DBT: variants seen among roughly 807,000 people sequenced by gnomAD.
DBT encodes lipoamide acyltransferase component of branched-chain alpha-keto acid dehydrogenase complex, mitochondrial.
A neutral mutation model predicts 51.3 loss-of-function variants in DBT; 40 were observed. The ratio of observed to expected loss-of-function variants is 0.78; its 90% CI spans 0.61 to 1.02. DBT has a LOEUF of 1.02. Ranked by LOEUF, DBT falls within the 50% of genes least tolerant of loss-of-function variation. The pLI is 0.00. For synonymous variants in DBT, 181 were observed against 190.4 expected (o/e 0.95, Z 0.41); for missense variants, 510 against 580.2 (o/e 0.88, Z 1.24).
chr1:100,239,702 T>A (rs1229131190), intron 2 of DBT, among the ~76,000 whole-genome samples: 1 of 151,824 alleles, frequency 6.6e-6, no homozygotes, highest in Non-Finnish European at 1.5e-5. Flanking sequence ...AACATCCTGA[T>A]AAATAAATAA....
intron 4 of DBT, among the ~76,000 whole-genome samples, chr1:100,226,486 T>A (rs1473220491): frequency 6.6e-6 from 1 of 152,002 alleles, no homozygotes; most frequent in Non-Finnish European, 1.5e-5. Flanking sequence ...GGTCTCGTTA[T>A]GTTGCCCAGG....
In DBT at chr1:100,191,749, T is replaced by TACACACACACAC. The variant is rs1161001732; in HGVS notation, c.*4494_*4505dup. ...GTGTGTATATATATGTGTGTGTGTA[T>TACACACACACAC]ACACACACACACACACACACACACA... is the stretch of plus-strand genomic sequence containing the variant. On this transcript the variant is annotated 3_prime_UTR_variant, in exon 11 of 11. Coordinates refer to ENST00000370132, the MANE Select transcript of DBT (RefSeq NM_001918.5). 10 of 48,948 alleles carry TACACACACACAC rather than the reference T, an allele frequency of 2.0e-4. No individual in the cohort carries two copies. Among genetic ancestry groups the TACACACACACAC allele is most frequent in the African/African-American group, 3.6e-4 (9 of 24,912 alleles). The allele number at this position is 48,948 out of a possible 1,614,324, so 3.0% of individuals were successfully genotyped here. A position where few individuals can be genotyped will look rare whatever the true frequency, so the allele number is the denominator to read the frequency against.
intron 5 of DBT, among the ~76,000 whole-genome samples, chr1:100,218,152 C>G (rs2100803337): frequency 6.6e-6 from 1 of 152,346 alleles, no homozygotes; most frequent in East Asian, 1.9e-4. Context: ...ACCCTCAGAT[C>G]AGGCCAGAGT....
intron 10 of DBT, 83 bp from the exon 11 acceptor site, chr1:100,196,505 A>G (rs1391208469): frequency 4.0e-6 from 6 of 1,501,722 alleles, no homozygotes; most frequent in East Asian, 4.9e-5. Context: ...AGCTCTAACA[A>G]TGGTGTAAGA....
chr1:100,208,282 A>G (rs1312957346), intron 8 of DBT, among the ~76,000 whole-genome samples: 2 of 152,244 alleles, frequency 1.3e-5, no homozygotes, highest in Non-Finnish European at 2.9e-5. Flanking sequence ...CCTGTCCTCA[A>G]GATATCTCCT....
At chr1:100,239,851 CAAAAAAAAAAA>C (rs56661922) in intron 2 of DBT, among the ~76,000 whole-genome samples, 19 of 111,200 alleles carry the variant, frequency 1.7e-4, no homozygotes, top group African/African-American at 7.3e-4. Context: ...CAACAGAGCT[CAAAAAAAAAAA>C]AAAAAAAAAA....
At chr1:100,205,522 C>G (rs867766993) in intron 10 of DBT, among the ~76,000 whole-genome samples, 2 of 152,150 alleles carry the variant, frequency 1.3e-5, no homozygotes, top group Non-Finnish European at 2.9e-5. Flanking sequence ...TGAGTTCAAC[C>G]ATTGTGGAAG....
At chr1:100,197,174 T>G (rs1661165150) in intron 10 of DBT, 1 of 152,378 alleles carries the variant, frequency 6.6e-6, no homozygotes, top group African/African-American at 2.4e-5. Context: ...CAAACTGCTA[T>G]AAAAGTTTCT....
chr1:100,225,743 T>C (rs1663156975), intron 4 of DBT, among the ~76,000 whole-genome samples: 2 of 145,056 alleles, frequency 1.4e-5, no homozygotes, highest in African/African-American at 2.5e-5. Context: ...GAGAATTGCT[T>C]GAACCCAGGA....
rs1660662450 is a variant in DBT at position 100,188,276 on chromosome 1, T to C, written c.*7979A>G. The C allele has an allele frequency of 6.6e-6, 1 of 152,244 alleles. No individual in the cohort carries two copies. The highest frequency in any genetic ancestry group is 2.1e-4 in the South Asian group (1 of 4,834). The allele number at this position is 152,244 out of a possible 1,614,324, so 9.4% of individuals were successfully genotyped here. A position where few individuals can be genotyped will look rare whatever the true frequency, so the allele number is the denominator to read the frequency against. ...TCCCTGCCATTCCTATTAACTTAAT[T>C]ACACCTGCCCACAACTTAATTTACT... is the stretch of plus-strand genomic sequence containing the variant. On this transcript the variant is annotated 3_prime_UTR_variant, in exon 11 of 11. Coordinates refer to ENST00000370132, the MANE Select transcript of DBT (RefSeq NM_001918.5).
Position 100,214,985 on chromosome 1 carries a change from T to G in DBT, c.773-2A>C. ...TCTTGACCATTGCTTTTTGAAAGCC[T>G]GAAAAGCATTAAATTGTTATTCATT... On this transcript the variant is annotated splice_acceptor_variant, in intron 6 of 10. Coordinates refer to ENST00000370132, the MANE Select transcript of DBT (RefSeq NM_001918.5). LOFTEE classifies it high-confidence loss of function. 6.3e-7 allele frequency: 1 copy of G among 1,599,820 alleles called. No individual in the cohort carries two copies. Among genetic ancestry groups the G allele is most frequent in the Non-Finnish European group, 8.6e-7 (1 of 1,167,440 alleles).
chr1:100,225,871 A>G (rs977249474), intron 4 of DBT, among the ~76,000 whole-genome samples: 1 of 148,842 alleles, frequency 6.7e-6, no homozygotes, highest in Admixed American at 6.8e-5. Flanking sequence ...TTAGCTGGGC[A>G]TGATGGAGTC....
intron 2 of DBT, among the ~76,000 whole-genome samples, chr1:100,240,206 G>C (rs1261980028): frequency 2.6e-5 from 4 of 152,160 alleles, no homozygotes; most frequent in Admixed American, 2.6e-4. Flanking sequence ...CAGATTAAGT[G>C]CTTCTTTCAA....
chr1:100,237,225 G>C (rs1054834885), intron 2 of DBT, among the ~76,000 whole-genome samples: 2 of 152,166 alleles, frequency 1.3e-5, no homozygotes, highest in African/African-American at 4.8e-5. Context: ...TGAGACATCA[G>C]GAAAAGGAGA....
rs1251219882 is a variant in DBT at position 100,218,672 on chromosome 1, T to A, written c.509A>T (p.Lys170Ile). The change falls in exon 5 of 11, where the codon AAA becomes ATA. Residue 170 changes from lysine (K) to isoleucine (I), a missense_variant. By Grantham distance (102) the Lys-to-Ile change is moderately radical. Transcript: ENST00000370132. ...GCGAACTGCAGGAGTTGCCAGTGTT[T>A]TTCGGCCCTTTATCTCTTGGTGTGT... The part of the protein sequence containing the change: ...EHTHQEIKGR[K>I]TLATPAVRRL... 1 of 1,614,088 alleles carries A rather than the reference T, an allele frequency of 6.2e-7. No homozygotes were observed. The highest frequency in any genetic ancestry group is 1.1e-5 in the South Asian group (1 of 91,084).
chr1:100,218,185 A>G (rs983849827), intron 5 of DBT, among the ~76,000 whole-genome samples: 1 of 152,156 alleles, frequency 6.6e-6, no homozygotes, highest in African/African-American at 2.4e-5. Context: ...ACTTAGGACC[A>G]TGGCAAGCTT....
At chr1:100,240,269 C>A (rs919336392) in intron 2 of DBT, among the ~76,000 whole-genome samples, 1 of 152,176 alleles carries the variant, frequency 6.6e-6, no homozygotes, top group African/African-American at 2.4e-5. Flanking sequence ...ATTAAGTCAA[C>A]AATTTACCTT....
At position 100,206,630 on chromosome 1, in the gene DBT, G is replaced by A. The variant is rs398123655; in HGVS notation, c.1024C>T (p.His342Tyr). The change falls in exon 9 of 11, where the codon CAT (histidine) becomes TAT (tyrosine). Residue 342 changes from histidine to tyrosine, a missense_variant. Transcript: ENST00000370132. ...GTATCCATTGCTATCCCAATGTTAT[G>A]AGAAGCCTAAAAAATAAAAAATTGT... is the stretch of plus-strand genomic sequence containing the variant. ...NCQNITYKAS[H>Y]NIGIAMDTEQ... The A allele has an allele frequency of 9.4e-6, 15 of 1,600,934 alleles. No homozygotes were observed. Among genetic ancestry groups the A allele is most frequent in the Non-Finnish European group, 1.3e-5 (15 of 1,168,260 alleles).
rs1314944572 is a variant in DBT, at chr1:100,196,116, C to T, written c.*139G>A. The T allele has an allele frequency of 2.5e-6, 2 of 792,914 alleles. No homozygotes were observed. Among genetic ancestry groups the T allele is most frequent in the Admixed American group, 2.2e-5 (1 of 45,088 alleles). 49.1% of individuals were successfully genotyped at this position (792,914 alleles called of 1,614,324 possible). On this transcript the variant is annotated 3_prime_UTR_variant, in exon 11 of 11. Transcript: ENST00000370132. ...AGTAAAAAGTCTAATAGAACAGTGA[C>T]AAATATTGTGCCTTAGATCCTTAAT...
Sources: gnomAD v4.1 joint callset for allele counts (sites outside exome capture counted in the v4.1 genomes callset) on GRCh38, gnomAD v4.1.1 for gene constraint, MANE v1.5 for transcripts, NCBI Gene and HGNC (gene_info 2026-07-23, HGNC 2026-07-21) for gene names.